The following CMSS1 variants were observed in gnomAD, a reference collection of about 807,000 sequenced individuals.
CMSS1 encodes the protein protein CMSS1.
A neutral mutation model predicts 43.5 loss-of-function variants in CMSS1; 33 were observed. That is an observed-to-expected ratio of 0.76 (90% CI 0.57 to 1.01). The LOEUF (loss-of-function observed/expected upper bound fraction) is 1.01. CMSS1 is among the 50% of genes least tolerant of loss of function. CMSS1 has a pLI of 0.00. For synonymous variants in CMSS1, 115 were observed against 117.2 expected, an observed-to-expected ratio of 0.98 and a Z score of 0.12; for missense variants, 313 against 326.4, an observed-to-expected ratio of 0.96 and a Z score of 0.32.
chr3:99,993,250 TTAA>T (rs1394720214), intron 1 of CMSS1, among the ~76,000 whole-genome samples: 2 of 152,056 alleles, frequency 1.3e-5, no homozygotes. Flanking sequence ...AAATTACATT[TTAA>T]TAATATTGAT....
intron 1 of CMSS1, among the ~76,000 whole-genome samples, chr3:100,074,335 C>G (rs2065812343): frequency 1.3e-5 from 2 of 152,170 alleles, no homozygotes; most frequent in African/African-American, 2.4e-5. Context: ...TGGGAACAGA[C>G]AAGATGTCAA....
intron 1 of CMSS1, among the ~76,000 whole-genome samples, chr3:100,110,665 C>G (rs550196071): frequency 6.6e-6 from 1 of 152,260 alleles, no homozygotes; most frequent in African/African-American, 2.4e-5. Flanking sequence ...CAAAATCCAT[C>G]AGAAAAACCT....
In CMSS1 at chr3:100,044,374, G is replaced by T. The variant is rs192015839; in HGVS notation, c.65-102599G>T. Among the ~76,000 whole-genome samples, 1,099 of 152,054 alleles carry T rather than the reference G, an allele frequency of 7.2e-3. 4 individuals are homozygous for T. Among genetic ancestry groups the T allele is most frequent in the African/African-American group, 0.01 (417 of 41,358 alleles). On this transcript the variant is annotated intron_variant, in intron 1 of 9. Coordinates refer to ENST00000421999, the MANE Select transcript of CMSS1 (RefSeq NM_032359.4). ...CATAGTATAAAGAAGTAACACAGGG[G>T]TAATCTGTCAAGGGGGGCAGTGAAA... is the stretch of plus-strand genomic sequence containing the variant.
chr3:100,034,604 A>G (rs2065076337), intron 1 of CMSS1, among the ~76,000 whole-genome samples: 1 of 152,214 alleles, frequency 6.6e-6, no homozygotes. Context: ...ATGCTTCCTT[A>G]TCAGTAAAAC....
intron 1 of CMSS1, among the ~76,000 whole-genome samples, chr3:99,909,717 CATA>C (rs1171747222): frequency 6.6e-6 from 1 of 152,098 alleles, no homozygotes; most frequent in Non-Finnish European, 1.5e-5. Flanking sequence ...TTATTTAACT[CATA>C]ATAACTTAAA....
chr3:99,940,299 C>G (rs1457295999), intron 1 of CMSS1, among the ~76,000 whole-genome samples: 1 of 152,204 alleles, frequency 6.6e-6, no homozygotes, highest in Admixed American at 6.5e-5. Flanking sequence ...ACTTCCAACC[C>G]TAGATCAGAG....
intron 1 of CMSS1, among the ~76,000 whole-genome samples, chr3:99,988,787 CCACCATTGA>C (rs1206518232): frequency 1.3e-5 from 2 of 152,282 alleles, no homozygotes; most frequent in African/African-American, 4.8e-5. Flanking sequence ...ACTTAAACTT[CCACCATTGA>C]CCCATTGTTC....
At chr3:99,975,164 T>C (rs374291927) in intron 1 of CMSS1, among the ~76,000 whole-genome samples, 1 of 152,346 alleles carries the variant, frequency 6.6e-6, no homozygotes, top group African/African-American at 2.4e-5. Context: ...TCCTCCCCGC[T>C]CCAATCTACC....
At chr3:100,141,095 T>G (rs1413953527) in intron 1 of CMSS1, among the ~76,000 whole-genome samples, 1 of 152,210 alleles carries the variant, frequency 6.6e-6, no homozygotes, top group Non-Finnish European at 1.5e-5. Context: ...TGAGGTTTCC[T>G]ACATTCCAAA....
At chr3:99,860,182 T>C (rs1322376669) in intron 1 of CMSS1, among the ~76,000 whole-genome samples, 2 of 152,152 alleles carry the variant, frequency 1.3e-5, no homozygotes, top group Non-Finnish European at 2.9e-5. Context: ...TTTCCTTCAT[T>C]GTGAAATAAG....
chr3:100,028,786 A>G (rs1293451859), intron 1 of CMSS1, among the ~76,000 whole-genome samples: 1 of 152,162 alleles, frequency 6.6e-6, no homozygotes, highest in Non-Finnish European at 1.5e-5. Context: ...TCTTAAGAAG[A>G]GTTGACTCTG....
chr3:100,157,122 G>T (rs551023679), intron 2 of CMSS1, among the ~76,000 whole-genome samples: 1 of 152,160 alleles, frequency 6.6e-6, no homozygotes, highest in South Asian at 2.1e-4. Flanking sequence ...CTCTTGGGCT[G>T]ATTCTCTGAT....
At chr3:100,040,636 G>A (rs1434690970) in intron 1 of CMSS1, 1 of 152,178 alleles carries the variant, frequency 6.6e-6, no homozygotes, top group Non-Finnish European at 1.5e-5. Flanking sequence ...GGACGGTCTT[G>A]GTTGACAATA....
At chr3:100,020,733 A>C (rs1309262076) in intron 1 of CMSS1, among the ~76,000 whole-genome samples, 1 of 121,702 alleles carries the variant, frequency 8.2e-6, no homozygotes, top group African/African-American at 3.1e-5. Context: ...ACTAAGAACT[A>C]TTTTTTAGAA....
intron 1 of CMSS1, among the ~76,000 whole-genome samples, chr3:100,071,839 C>T (rs1316700470): frequency 1.3e-5 from 2 of 152,158 alleles, no homozygotes; most frequent in Non-Finnish European, 2.9e-5. Flanking sequence ...ACTTATTGGG[C>T]ACCCAACTTC....
intron 1 of CMSS1, among the ~76,000 whole-genome samples, chr3:99,975,528 G>T (rs1216778609): frequency 6.6e-6 from 1 of 151,774 alleles, no homozygotes; most frequent in African/African-American, 2.4e-5. Flanking sequence ...GGAGGCAGAC[G>T]TTGCAGTGAG....
At chr3:99,819,648 C>T (rs190960591) in intron 1 of CMSS1, among the ~76,000 whole-genome samples, 1 of 152,144 alleles carries the variant, frequency 6.6e-6, no homozygotes, top group Non-Finnish European at 1.5e-5. Flanking sequence ...GAAAGTCACG[C>T]TTTTCCCGCT....
chr3:100,088,168 T>C (rs1295884731), intron 1 of CMSS1, among the ~76,000 whole-genome samples: 1 of 152,202 alleles, frequency 6.6e-6, no homozygotes, highest in Non-Finnish European at 1.5e-5. Flanking sequence ...TGTAGGTTTT[T>C]AAAGTGAAAT....
chr3:100,063,950 G>A lies in CMSS1; in HGVS notation c.65-83023G>A, dbSNP rs114936421. 2.8e-3 allele frequency among the ~76,000 whole-genome samples: 432 copies of A among 152,246 alleles called. 4 individuals are homozygous for A. The highest frequency in any genetic ancestry group is 9.7e-3 in the African/African-American group (401 of 41,532). On this transcript the variant is annotated intron_variant, in intron 1 of 9. Transcript: ENST00000421999. ...CCCAAGACTGTCAGGAGTACATACCGTCAGCCAAACCCATTGGTGCCAGTA... is the reference window on the plus strand; with the variant it reads ...CCCAAGACTGTCAGGAGTACATACCATCAGCCAAACCCATTGGTGCCAGTA...
Sources: allele counts gnomAD v4.1 joint callset (sites outside exome capture counted in the v4.1 genomes callset), GRCh38; gene constraint gnomAD v4.1.1; transcripts MANE v1.5; gene names NCBI Gene and HGNC (gene_info 2026-07-23, HGNC 2026-07-21).